The following PCSK5 variants were observed in gnomAD, a reference collection of about 807,000 sequenced individuals.
PCSK5 encodes proprotein convertase subtilisin/kexin type 5, also known as prohormone convertase 5.
PCSK5 carries 129 observed loss-of-function variants against 233.2 expected under a neutral mutation model. That is an observed-to-expected ratio of 0.55 (90% confidence interval 0.48 to 0.64). The LOEUF is 0.64. PCSK5 is among the 30% of genes least tolerant of loss of function. The pLI, the probability that PCSK5 is intolerant of heterozygous loss-of-function variation, is 0.00. For missense variants in PCSK5, 2,076 were observed against 2,430.1 expected (o/e 0.85, Z 3.06); for synonymous variants, 825 against 879.2 (o/e 0.94, Z 1.09).
At chr9:75,961,625 C>T (rs187588075) in intron 2 of PCSK5, among the ~76,000 whole-genome samples, 3 of 152,250 alleles carry the variant, frequency 2.0e-5, no homozygotes, top group East Asian at 3.9e-4. Context: ...CCTATTTCAA[C>T]TGTCAATTTT....
intron 9 of PCSK5, among the ~76,000 whole-genome samples, chr9:76,115,134 T>TC (rs1832373713): frequency 1.3e-5 from 2 of 152,078 alleles, no homozygotes; most frequent in South Asian, 4.1e-4. Flanking sequence ...CCCTTTATTC[T>TC]CCCCATGGGA....
intron 1 of PCSK5, among the ~76,000 whole-genome samples, chr9:75,915,106 A>G (rs562356898): frequency 2.0e-5 from 3 of 152,320 alleles, no homozygotes; most frequent in Non-Finnish European, 2.9e-5. Context: ...GGGAAGTTAG[A>G]AGGCTCATTT....
At chr9:75,908,225 C>T (rs192308645) in intron 1 of PCSK5, among the ~76,000 whole-genome samples, 72 of 152,322 alleles carry the variant, frequency 4.7e-4, no homozygotes, top group African/African-American at 1.7e-3. Flanking sequence ...GATGAGTCTC[C>T]CCATTTGACC....
intron 2 of PCSK5, 45 bp downstream of exon 2, chr9:75,932,528 C>T: frequency 9.0e-7 from 1 of 1,116,250 alleles, no homozygotes; most frequent in Non-Finnish European, 1.4e-6. Context: ...AAAGCTTCTG[C>T]ATTTTTCATT....
intron 9 of PCSK5, among the ~76,000 whole-genome samples, chr9:76,107,872 T>C (rs1832043454): frequency 6.6e-6 from 1 of 152,226 alleles, no homozygotes; most frequent in Non-Finnish European, 1.5e-5. Flanking sequence ...AAGACCCCTT[T>C]AGGCTATTTG....
At chr9:76,140,524 ATGCGGAACTGTGATG>A (rs6151043) in intron 10 of PCSK5, among the ~76,000 whole-genome samples, 76,194 of 151,616 alleles carry the variant, frequency 0.5, 20,303 homozygotes, top group East Asian at 0.94. Flanking sequence ...GAGAATAAAG[ATGCGGAACTGTGATG>A]TGAATTAGAA....
intron 20 of PCSK5, chr9:76,195,467 T>C (rs552816448): frequency 4.5e-4 from 69 of 152,332 alleles, no homozygotes; most frequent in African/African-American, 1.5e-3. Context: ...CCACTGACCA[T>C]GCAGGTGCAC....
At chr9:76,204,922 G>A (rs1331956542) in intron 20 of PCSK5, among the ~76,000 whole-genome samples, 3 of 152,158 alleles carry the variant, frequency 2.0e-5, no homozygotes, top group Admixed American at 1.3e-4. Flanking sequence ...TCACTGTTGA[G>A]TTACTGCAAC....
Position 76,323,171 on chromosome 9 carries a change from C to A in PCSK5, c.4222C>A (p.Pro1408Thr), listed in dbSNP as rs1481497665. 6.2e-7 allele frequency: 1 copy of A among 1,612,286 alleles called. No homozygotes were observed. Among genetic ancestry groups the A allele is most frequent in the Non-Finnish European group, 8.5e-7 (1 of 1,179,600 alleles). ...CHKDCLECSG[P>T]KADDCELCLE... ...TAAAGACTGTCTGGAGTGCAGTGGCCCCAAAGCCGACGACTGCGAGCTCTG... is the reference window on the plus strand; with the variant it reads ...TAAAGACTGTCTGGAGTGCAGTGGCACCAAAGCCGACGACTGCGAGCTCTG... Residue 1408 changes from proline (P) to threonine (T), a missense_variant, in exon 32 of 38, where the codon CCC (proline) becomes ACC (threonine). Pro to Thr is a conservative substitution (Grantham distance 38). This residue lies in a region of PCSK5 where 1,510 missense variants were observed against 1,538.1 expected (regional missense o/e 0.98). Coordinates refer to ENST00000674117, the MANE Select transcript of PCSK5 (RefSeq NM_001372043.1).
chr9:76,119,362 T>C (rs1490389218), intron 9 of PCSK5, among the ~76,000 whole-genome samples: 1 of 152,158 alleles, frequency 6.6e-6, no homozygotes, highest in Non-Finnish European at 1.5e-5. Flanking sequence ...TTAAAAGTAT[T>C]ATTTAGTCAA....
intron 33 of PCSK5, among the ~76,000 whole-genome samples, chr9:76,328,635 G>T (rs545198933): frequency 8.5e-4 from 130 of 152,180 alleles, no homozygotes; most frequent in African/African-American, 2.8e-3. Flanking sequence ...ATATTTTAGT[G>T]CCTATTTCCT....
At chr9:76,113,565 A>G (rs111774935) in intron 9 of PCSK5, among the ~76,000 whole-genome samples, 2 of 152,290 alleles carry the variant, frequency 1.3e-5, no homozygotes, top group South Asian at 4.1e-4. Flanking sequence ...TGAGAAGTTA[A>G]TATGTGGGAC....
intron 6 of PCSK5, among the ~76,000 whole-genome samples, chr9:76,070,512 T>C (rs1297161164): frequency 6.6e-6 from 1 of 152,208 alleles, no homozygotes; most frequent in African/African-American, 2.4e-5. Context: ...TTGTAAAAAT[T>C]TTTAAAGGAT....
intron 24 of PCSK5, among the ~76,000 whole-genome samples, chr9:76,273,216 T>G (rs770363364): frequency 6.6e-6 from 1 of 152,106 alleles, no homozygotes; most frequent in African/African-American, 2.4e-5. Context: ...AAACCATGAT[T>G]TGAAGGCTCT....
chr9:76,267,950 TACACAC>T (rs10539241), intron 24 of PCSK5, among the ~76,000 whole-genome samples: 8,296 of 148,644 alleles, frequency 0.056, 230 homozygotes, highest in Middle Eastern at 0.094. Context: ...CTTATGGGTA[TACACAC>T]ACACACACAC....
chr9:76,146,511 T>C (rs1823444557), intron 10 of PCSK5, among the ~76,000 whole-genome samples: 1 of 139,564 alleles, frequency 7.2e-6, no homozygotes, highest in Non-Finnish European at 1.5e-5. Context: ...TAAATAAATA[T>C]GTATATATAC....
intron 1 of PCSK5, among the ~76,000 whole-genome samples, chr9:75,920,392 G>C (rs550210916): frequency 6.6e-6 from 1 of 152,090 alleles, no homozygotes; most frequent in Non-Finnish European, 1.5e-5. Flanking sequence ...GGGCTCAAGC[G>C]ATCCTCCTGC....
intron 20 of PCSK5, among the ~76,000 whole-genome samples, chr9:76,220,629 TA>T (rs918835277): frequency 1.2e-3 from 180 of 145,402 alleles, no homozygotes; most frequent in African/African-American, 1.8e-3. Flanking sequence ...TTTAGAAACT[TA>T]AAAAAAAAAA....
intron 9 of PCSK5, among the ~76,000 whole-genome samples, chr9:76,110,292 G>A (rs948723330): frequency 6.6e-6 from 1 of 152,212 alleles, no homozygotes; most frequent in Admixed American, 6.5e-5. Context: ...GCAAGAGTCT[G>A]CCAGTCCCTA....
Sources: allele counts gnomAD v4.1 joint callset (sites outside exome capture counted in the v4.1 genomes callset), GRCh38; gene constraint gnomAD v4.1.1; regional missense constraint gnomAD v4.1.1; transcripts MANE v1.5; gene names NCBI Gene and HGNC (gene_info 2026-07-23, HGNC 2026-07-21).